Variants in CHD5 observed in about 807,000 individuals in gnomAD.
CHD5 encodes the protein chromodomain helicase DNA binding protein 5.
CHD5 carries 69 observed loss-of-function variants against 230.3 expected under a neutral mutation model. The observed-to-expected ratio is 0.30, with a 90% confidence interval of 0.25 to 0.37. The LOEUF (loss-of-function observed/expected upper bound fraction) is 0.37, where lower values mean the gene tolerates loss of function less well. CHD5 is among the 10% of genes least tolerant of loss of function. CHD5 has a pLI of 1.00. For missense variants in CHD5, 1,827 were observed against 2,622.8 expected (o/e 0.70, Z 6.63); for synonymous variants, 1,064 against 1,065.9 (o/e 1.00, Z 0.03).
rs1666551305 is a variant in CHD5, at chr1:6,126,051, T to A, written c.4079-193A>T. On this transcript the variant is annotated intron_variant, in intron 26 of 41. Transcript: ENST00000262450. The surrounding 1 kb of genome is among the most constrained non-coding windows in gnomAD (Gnocchi z 5.7). Reference sequence around the variant, plus strand: ...ACCACGTTATACACTAAGGGTACCATGTGTACCCACACATTACACATACTG... The same window carrying A: ...ACCACGTTATACACTAAGGGTACCAAGTGTACCCACACATTACACATACTG... Among the ~76,000 whole-genome samples, 1 of 152,126 alleles carries A rather than the reference T, an allele frequency of 6.6e-6. No homozygotes were observed. The highest frequency in any genetic ancestry group is 1.5e-5 in the Non-Finnish European group (1 of 68,014).
rs1366659336 is a variant in CHD5 at position 6,159,401 on chromosome 1, CCTT to C, written c.319_321del (p.Lys107del). The stretch of plus-strand genomic sequence containing the variant: ...TTCTTTTTTCGCTTGGCTTTTTTCT[CCTT>C]CTTGTCCTTGAGTTTCTTCTTCTTC... On this transcript the variant is annotated inframe_deletion, in exon 3 of 42. Transcript: ENST00000262450. 22 of 1,554,828 alleles carry C rather than the reference CCTT, an allele frequency of 1.4e-5. No individual in the cohort carries two copies. The highest frequency in any genetic ancestry group is 1.9e-5 in the Admixed American group (1 of 51,524).
In CHD5 at chr1:6,134,329, C is replaced by A. The variant is rs957359969; in HGVS notation, c.3013-70G>T. On this transcript the variant is annotated intron_variant, in intron 19 of 41. Transcript: ENST00000262450. The surrounding 1 kb of genome is among the most constrained non-coding windows in gnomAD (Gnocchi z 6.3). ...CTCTCTGACTCTGCACCAAAGGGGC[C>A]GCAGGGAACAGACAAGTGCTGAGCA... 75 of 1,563,534 alleles carry A rather than the reference C, an allele frequency of 4.8e-5. No homozygotes were observed. Among genetic ancestry groups the A allele is most frequent in the Non-Finnish European group, 6.2e-5 (71 of 1,149,180 alleles).
At chr1:6,127,768 C>T (rs1168512635) in intron 25 of CHD5, among the ~76,000 whole-genome samples, 5 of 152,228 alleles carry the variant, frequency 3.3e-5, no homozygotes, top group African/African-American at 1.2e-4. Context: ...GCGCTGCCTC[C>T]GTCCCTTCCC....
At position 6,128,057 on chromosome 1, in the gene CHD5, C is replaced by T; in HGVS notation, c.3892G>A (p.Glu1298Lys). 4 of 1,609,048 alleles carry T rather than the reference C, an allele frequency of 2.5e-6. No individual in the cohort carries two copies. Among genetic ancestry groups the T allele is most frequent in the Non-Finnish European group, 3.4e-6 (4 of 1,177,988 alleles). Residue 1298 changes from glutamate to lysine, a missense_variant, in exon 25 of 42, where the codon GAG becomes AAG. This residue lies in a region of CHD5 where 137 missense variants were observed against 272.7 expected (regional missense o/e 0.50). Coordinates refer to ENST00000262450, the MANE Select transcript of CHD5 (RefSeq NM_015557.3). The surrounding 1 kb of genome is among the most constrained non-coding windows in gnomAD (Gnocchi z 7.8). ...GCCGGGGACCTTACCACGCCGTCCT[C>T]CTCGCGCACCACGTACTGCGCCACC... ...FKVAQYVVREEDGVEEVEREI... is the reference protein window; with the variant it reads ...FKVAQYVVREKDGVEEVEREI...
intron 31 of CHD5, among the ~76,000 whole-genome samples, chr1:6,122,996 G>A (rs2100840886): frequency 6.6e-6 from 1 of 152,094 alleles, no homozygotes. Context: ...GAACCTGGGA[G>A]GCGGAGGTTG....
intron 38 of CHD5, among the ~76,000 whole-genome samples, chr1:6,108,272 G>A (rs2100829490): frequency 6.8e-6 from 1 of 147,532 alleles, no homozygotes; most frequent in Admixed American, 6.7e-5. Flanking sequence ...GATGATAGAG[G>A]GATGGAGTGA....
At chr1:6,171,325 G>A (rs946089607) in intron 1 of CHD5, among the ~76,000 whole-genome samples, 4 of 152,126 alleles carry the variant, frequency 2.6e-5, no homozygotes, top group Non-Finnish European at 5.9e-5. Flanking sequence ...TCCGTTCCCA[G>A]AAGACCTCAC....
At chr1:6,151,753 G>A (rs1667011544) in intron 6 of CHD5, among the ~76,000 whole-genome samples, 1 of 151,778 alleles carries the variant, frequency 6.6e-6, no homozygotes. Context: ...CCTAACACTG[G>A]CTCCTGCCAT....
In CHD5 at chr1:6,126,341, C is replaced by T. The variant is rs1054306555; in HGVS notation, c.4078+231G>A. ...GGACACCCATCCCTCCTGGCACACT[C>T]GCCCAGCTCTCCCGGCCCGCACCTC... On this transcript the variant is annotated intron_variant, in intron 26 of 41. Coordinates refer to ENST00000262450, the MANE Select transcript of CHD5 (RefSeq NM_015557.3). This position sits in a 1 kb window ranked among gnomAD's most constrained non-coding sequence, Gnocchi z 5.7. Among the ~76,000 whole-genome samples, 1 of 151,386 alleles carries T rather than the reference C, an allele frequency of 6.6e-6. No individual in the cohort carries two copies. Among genetic ancestry groups the T allele is most frequent in the African/African-American group, 2.4e-5 (1 of 41,200 alleles).
Position 6,128,519 on chromosome 1 carries a change from T to C in CHD5, c.3710A>G (p.Lys1237Arg). Residue 1237 changes from lysine to arginine, a missense_variant, in exon 24 of 42, where the codon AAG becomes AGG. This residue lies in a region of CHD5 where 137 missense variants were observed against 272.7 expected (regional missense o/e 0.50). Coordinates refer to ENST00000262450, the MANE Select transcript of CHD5 (RefSeq NM_015557.3). This position sits in a 1 kb window ranked among gnomAD's most constrained non-coding sequence, Gnocchi z 7.8. Reference sequence around the variant, plus strand: ...CCTACCTGGCGGGGTGCTACCGTGCTTCTTCTTTGCACTGGCGGCCAAGTT... The same window carrying C: ...CCTACCTGGCGGGGTGCTACCGTGCCTCTTCTTTGCACTGGCGGCCAAGTT... ...GGNLAASAKKKHGSTPPGDNK... is the reference protein window; with the variant it reads ...GGNLAASAKKRHGSTPPGDNK... 1 of 1,614,050 alleles carries C rather than the reference T, an allele frequency of 6.2e-7. No homozygotes were observed. Among genetic ancestry groups the C allele is most frequent in the Non-Finnish European group, 8.5e-7 (1 of 1,179,898 alleles).
intron 1 of CHD5, among the ~76,000 whole-genome samples, chr1:6,171,391 C>T (rs1242234549): frequency 2.3e-4 from 35 of 152,162 alleles, no homozygotes; most frequent in Admixed American, 2.3e-3. Flanking sequence ...GGAACTGGCA[C>T]ACGGAGACGG....
chr1:6,106,135 G>C, intron 41 of CHD5, 99 bp downstream of exon 41: 1 of 1,114,344 alleles, frequency 9.0e-7, no homozygotes, highest in Non-Finnish European at 1.3e-6. Flanking sequence ...CCAGGACTTA[G>C]GGACGGGAGT....
chr1:6,167,359 C>G lies in CHD5; in HGVS notation c.207+791G>C, dbSNP rs1667271588. 6.6e-6 allele frequency among the ~76,000 whole-genome samples: 1 copy of G among 152,186 alleles called. No individual in the cohort carries two copies. Among genetic ancestry groups the G allele is most frequent in the Admixed American group, 6.5e-5 (1 of 15,280 alleles). On this transcript the variant is annotated intron_variant, in intron 2 of 41. Coordinates refer to ENST00000262450, the MANE Select transcript of CHD5 (RefSeq NM_015557.3). This position sits in a 1 kb window ranked among gnomAD's most constrained non-coding sequence, Gnocchi z 4.5. ...GTGAAGTGAGGTGCTTGCCATTGCT[C>G]TCAACATAGGGTCGCTTGGAGGATC...
rs1375536014 is a variant in CHD5, at chr1:6,146,879, C to T, written c.1384-8G>A. ...GCCCTTCAGTGGGGGGCACTGTGGA[C>T]AGAGAAGGGTCCCCAAGGTGGGGCT... On this transcript the variant is annotated splice_region_variant and splice_polypyrimidine_tract_variant and intron_variant, in intron 9 of 41. Transcript: ENST00000262450. This position sits in a 1 kb window ranked among gnomAD's most constrained non-coding sequence, Gnocchi z 5.1. 3.4e-6 allele frequency: 5 copies of T among 1,488,022 alleles called. No homozygotes were observed. Among genetic ancestry groups the T allele is most frequent in the East Asian group, 2.4e-5 (1 of 42,416 alleles). The allele number at this position is 1,488,022 out of a possible 1,614,324, so 92.2% of individuals were successfully genotyped here.
At chr1:6,127,991 C>A in intron 25 of CHD5, 55 bp downstream of exon 25, 1 of 1,186,374 alleles carries the variant, frequency 8.4e-7, no homozygotes, top group Non-Finnish European at 1.1e-6. Flanking sequence ...CAGTGGGGGG[C>A]GGGGCTGCGG....
At position 6,134,162 on chromosome 1, in the gene CHD5, C is replaced by T. The variant is rs746052525; in HGVS notation, c.3110G>A (p.Arg1037Gln). 3.7e-6 allele frequency: 6 copies of T among 1,613,722 alleles called. No homozygotes were observed. The highest frequency in any genetic ancestry group is 2.7e-5 in the African/African-American group (2 of 75,026). Residue 1037 changes from arginine (R) to glutamine (Q), a missense_variant, in exon 20 of 42, where the codon CGG becomes CAG. By Grantham distance (43) the Arg-to-Gln change is conservative. This residue lies in a region of CHD5 where 38 missense variants were observed against 49.5 expected (regional missense o/e 0.77). Transcript: ENST00000262450. The surrounding 1 kb of genome is among the most constrained non-coding windows in gnomAD (Gnocchi z 6.3). ...GATGAGCACACGGTGCCCCTCATCC[C>T]GCAGTTTCTTCAGCATCTTCTGTAG... Reference protein sequence around the residue: ...MLLQKMLKKLRDEGHRVLIFS... With the variant: ...MLLQKMLKKLQDEGHRVLIFS...
chr1:6,141,784 C>A (rs1394200322), intron 15 of CHD5, among the ~76,000 whole-genome samples: 2 of 152,110 alleles, frequency 1.3e-5, no homozygotes, highest in African/African-American at 4.8e-5. Flanking sequence ...GGCCAGTGAA[C>A]CCCTGCCGCC....
chr1:6,179,469 T>C (rs530479486), intron 1 of CHD5, among the ~76,000 whole-genome samples: 7 of 152,102 alleles, frequency 4.6e-5, no homozygotes, highest in African/African-American at 1.7e-4. Context: ...CTCGCCCCTC[T>C]CTGGGCCCCA....
rs1019650545 is a variant in CHD5 at position 6,101,953 on chromosome 1, G to A, written c.*3521C>T. The A allele has an allele frequency of 3.2e-5, 13 of 410,796 alleles. No homozygotes were observed. The highest frequency in any genetic ancestry group is 6.5e-5 in the African/African-American group (3 of 45,926). The allele number at this position is 410,796 out of a possible 1,614,324, so 25.4% of individuals were successfully genotyped here. A position where few individuals can be genotyped will look rare whatever the true frequency, so the allele number is the denominator to read the frequency against. On this transcript the variant is annotated 3_prime_UTR_variant, in exon 42 of 42. Transcript: ENST00000262450. ...GAGCCTGGCTTCCAAAGCTGGACCC[G>A]CCCCCGCCGGGGCCACCCTGGCTGG...
Sources: allele counts gnomAD v4.1 joint callset (sites outside exome capture counted in the v4.1 genomes callset), GRCh38; gene constraint gnomAD v4.1.1; regional missense constraint gnomAD v4.1.1; non-coding constraint Gnocchi (gnomAD v3.1); transcripts MANE v1.5; gene names NCBI Gene and HGNC (gene_info 2026-07-23, HGNC 2026-07-21).